Variants in CIT observed in about 807,000 individuals in gnomAD.
CIT encodes citron Rho-interacting kinase.
A neutral mutation model predicts 272.7 loss-of-function variants in CIT; 79 were observed. That is an observed-to-expected ratio of 0.29 (90% confidence interval 0.24 to 0.35). CIT has a LOEUF of 0.35. CIT is among the 10% of genes least tolerant of loss of function. CIT has a pLI of 1.00. For missense variants in CIT, 1,909 were observed against 2,618.3 expected (o/e 0.73, Z 5.91); for synonymous variants, 948 against 995.6 (o/e 0.95, Z 0.90).
chr12:119,724,930 CAAAAAA>C (rs35757526), intron 28 of CIT, among the ~76,000 whole-genome samples: 3 of 44,552 alleles, frequency 6.7e-5, no homozygotes, highest in East Asian at 9.8e-4. Context: ...GACTCCATCT[CAAAAAA>C]AAAAAAAAAA....
In CIT at chr12:119,782,594, T is replaced by C; in HGVS notation, c.1589A>G (p.Gln530Arg). ...AAGCTGCAGTGCTTTGTCATCCTCCTGGGACACCTCCATCCGTGCTTGCTC... is the reference window on the plus strand; with the variant it reads ...AAGCTGCAGTGCTTTGTCATCCTCCCGGGACACCTCCATCCGTGCTTGCTC... ...SLEQARMEVS[Q>R]EDDKALQLLH... The change falls in exon 13 of 48, where the codon CAG (glutamine) becomes CGG (arginine). Residue 530 changes from glutamine to arginine, a missense_variant. Around this residue, in one of 8 missense-constraint regions of CIT, gnomAD observed 19 missense variants for 21.4 expected, o/e 0.89. Transcript: ENST00000392521. 6.2e-7 allele frequency: 1 copy of C among 1,614,214 alleles called. No individual in the cohort carries two copies. The highest frequency in any genetic ancestry group is 8.5e-7 in the Non-Finnish European group (1 of 1,180,034).
chr12:119,774,266 T>C (rs796660499), intron 16 of CIT, among the ~76,000 whole-genome samples: 15 of 152,034 alleles, frequency 9.9e-5, no homozygotes, highest in African/African-American at 3.6e-4. Flanking sequence ...ATGGTTAAGA[T>C]GGTAATTTAA....
intron 19 of CIT, among the ~76,000 whole-genome samples, chr12:119,764,934 G>A (rs1044984276): frequency 6.6e-6 from 1 of 151,960 alleles, no homozygotes; most frequent in South Asian, 2.1e-4. Flanking sequence ...AGCCTCCCAA[G>A]TAGCTGGGAC....
At chr12:119,751,315 T>G (rs1018050840) in intron 23 of CIT, among the ~76,000 whole-genome samples, 6 of 152,074 alleles carry the variant, frequency 3.9e-5, no homozygotes, top group African/African-American at 1.4e-4. Context: ...TATCAGATTT[T>G]TGTGAGTTTT....
At chr12:119,801,513 T>C (rs1966199496) in intron 10 of CIT, among the ~76,000 whole-genome samples, 1 of 152,164 alleles carries the variant, frequency 6.6e-6, no homozygotes, top group Non-Finnish European at 1.5e-5. Flanking sequence ...TCCTCCCTCG[T>C]CTTTCAGATC....
intron 23 of CIT, 147 bp downstream of exon 23, chr12:119,751,903 A>G (rs1393929772): frequency 2.8e-6 from 2 of 704,452 alleles, no homozygotes; most frequent in African/African-American, 1.8e-5. Flanking sequence ...AGCCTATGTA[A>G]GCCAATTTCC....
At chr12:119,830,839 C>T (rs1968565828) in intron 7 of CIT, among the ~76,000 whole-genome samples, 1 of 152,158 alleles carries the variant, frequency 6.6e-6, no homozygotes, top group Admixed American at 6.5e-5. Context: ...TTTCTAAATC[C>T]ATGATTTTTT....
intron 5 of CIT, among the ~76,000 whole-genome samples, chr12:119,838,473 C>T (rs1969177083): frequency 6.6e-6 from 1 of 152,134 alleles, no homozygotes; most frequent in African/African-American, 2.4e-5. Context: ...GGGAATAACC[C>T]CAGACTTCAT....
intron 10 of CIT, among the ~76,000 whole-genome samples, chr12:119,797,813 GTA>G (rs1455951048): frequency 1.3e-5 from 2 of 152,164 alleles, no homozygotes; most frequent in Non-Finnish European, 2.9e-5. Flanking sequence ...TCTTCCACTG[GTA>G]TCAGCCATCC....
chr12:119,855,454 C>T (rs1386383394), intron 4 of CIT, among the ~76,000 whole-genome samples: 1 of 152,048 alleles, frequency 6.6e-6, no homozygotes, highest in African/African-American at 2.4e-5. Flanking sequence ...AAAATATAAA[C>T]AGTCTCTGAA....
intron 17 of CIT, among the ~76,000 whole-genome samples, chr12:119,772,072 A>T (rs548197031): frequency 6.6e-6 from 1 of 152,172 alleles, no homozygotes; most frequent in Non-Finnish European, 1.5e-5. Flanking sequence ...AGAGACATGT[A>T]CCAGGAGGTT....
intron 4 of CIT, among the ~76,000 whole-genome samples, chr12:119,850,529 G>A (rs1007488645): frequency 6.6e-6 from 1 of 151,518 alleles, no homozygotes; most frequent in African/African-American, 2.4e-5. Flanking sequence ...GAAGGGAAGG[G>A]AAAGGGAAGG....
At chr12:119,849,808 C>T (rs1045243589) in intron 5 of CIT, among the ~76,000 whole-genome samples, 1 of 151,942 alleles carries the variant, frequency 6.6e-6, no homozygotes, top group African/African-American at 2.4e-5. Flanking sequence ...GCCTTAGCCA[C>T]CTGAGTAGCT....
Position 119,708,338 on chromosome 12 carries a change from A to C in CIT, c.5072-20T>G, listed in dbSNP as rs200007774. 6.5e-7 allele frequency: 1 copy of C among 1,549,578 alleles called. No individual in the cohort carries two copies. ...CTTCTCCTGAACAGGAAAAGGAACA[A>C]CCTCTCGTCAGTGTGAAGCCGTTAA... On this transcript the variant is annotated intron_variant, in intron 39 of 47. Coordinates refer to ENST00000392521, the MANE Select transcript of CIT (RefSeq NM_001206999.2).
chr12:119,828,221 G>GA (rs889400363), intron 7 of CIT, among the ~76,000 whole-genome samples: 2 of 152,120 alleles, frequency 1.3e-5, no homozygotes, highest in African/African-American at 4.8e-5. Flanking sequence ...GCTATGAAGG[G>GA]AAAAATACCC....
At chr12:119,816,530 C>T (rs1967200021) in intron 9 of CIT, among the ~76,000 whole-genome samples, 1 of 152,178 alleles carries the variant, frequency 6.6e-6, no homozygotes, top group Non-Finnish European at 1.5e-5. Flanking sequence ...GGCTTCACAA[C>T]TCTAATATGC....
intron 23 of CIT, among the ~76,000 whole-genome samples, chr12:119,744,973 T>A (rs1240255696): frequency 8.6e-5 from 13 of 151,894 alleles, no homozygotes. Context: ...CAGGGAGTTG[T>A]GGACAACTTC....
At chr12:119,855,055 T>G (rs577140840) in intron 4 of CIT, among the ~76,000 whole-genome samples, 3 of 152,218 alleles carry the variant, frequency 2.0e-5, no homozygotes, top group African/African-American at 7.2e-5. Context: ...GCCCAGGAGT[T>G]TGAGGGTGCA....
intron 5 of CIT, among the ~76,000 whole-genome samples, chr12:119,835,341 G>C (rs1318730061): frequency 6.6e-6 from 1 of 152,152 alleles, no homozygotes; most frequent in Non-Finnish European, 1.5e-5. Context: ...CAAGGTCCTA[G>C]GAGGGCCTGG....
Sources: allele counts gnomAD v4.1 joint callset (sites outside exome capture counted in the v4.1 genomes callset), GRCh38; gene constraint gnomAD v4.1.1; regional missense constraint gnomAD v4.1.1; transcripts MANE v1.5; gene names NCBI Gene and HGNC (gene_info 2026-07-23, HGNC 2026-07-21).